The following SIRT1 variants were observed in gnomAD, a reference collection of about 807,000 sequenced individuals.
SIRT1 encodes the protein NAD-dependent protein deacetylase sirtuin-1.
SIRT1 carries 24 observed loss-of-function variants against 67.9 expected under a neutral mutation model. The observed-to-expected ratio is 0.35, with a 90% CI of 0.26 to 0.50. SIRT1 has a LOEUF of 0.50. SIRT1 is among the 20% of genes least tolerant of loss of function. The pLI is 0.98. For synonymous variants in SIRT1, 378 were observed against 350.7 expected (o/e 1.08, Z -0.87); for missense variants, 873 against 937.2 (o/e 0.93, Z 0.89).
rs34104914 is a variant in SIRT1 at position 67,904,844 on chromosome 10, C to CA, written c.943-1930dup. Among the ~76,000 whole-genome samples, 549 of 127,258 alleles carry CA rather than the reference C, an allele frequency of 4.3e-3. 4 individuals carry two copies. The highest frequency in any genetic ancestry group is 0.013 in the African/African-American group (393 of 31,338). The allele number at this position is 127,258 out of a possible 152,430, so 83.5% of individuals were successfully genotyped here. ...GGGCAAAAAGAGCGAAACTCTGTCT[C>CA]AAAAAAAAAAAAAAAAGCAGGCTTA... On this transcript the variant is annotated intron_variant, in intron 4 of 8. Transcript: ENST00000212015.
At chr10:67,885,752 G>A (rs1421935943) in intron 1 of SIRT1, among the ~76,000 whole-genome samples, 2 of 152,078 alleles carry the variant, frequency 1.3e-5, no homozygotes, top group African/African-American at 4.8e-5. Flanking sequence ...AATGCAGTTA[G>A]GAGTGGGTAT....
chr10:67,917,201 G>A lies in SIRT1; in HGVS notation c.*608G>A, dbSNP rs201141942. The stretch of plus-strand genomic sequence containing the variant: ...CAACAATATGTGGGGAGAGCACTCG[G>A]TTGTCTTTACTTTTAAAAGTAATAC... On this transcript the variant is annotated 3_prime_UTR_variant, in exon 9 of 9. Coordinates refer to ENST00000212015, the MANE Select transcript of SIRT1 (RefSeq NM_012238.5). 1 of 152,574 alleles carries A rather than the reference G, an allele frequency of 6.6e-6. No individual in the cohort carries two copies. Among genetic ancestry groups the A allele is most frequent in the Non-Finnish European group, 1.5e-5 (1 of 68,020 alleles). The allele number at this position is 152,574 out of a possible 1,614,324, so 9.5% of individuals were successfully genotyped here. A position where few individuals can be genotyped will look rare whatever the true frequency, so the allele number is the denominator to read the frequency against.
intron 3 of SIRT1, among the ~76,000 whole-genome samples, chr10:67,891,032 AAAAAAAAAAAAC>A (rs936026566): frequency 7.0e-6 from 1 of 143,066 alleles, no homozygotes; most frequent in Non-Finnish European, 1.5e-5. Context: ...TCTGTCTCAA[AAAAAAAAAAAAC>A]AAAAAAAAAA....
rs752020872 is a variant in SIRT1, at chr10:67,909,271, C to T, written c.1186C>T (p.Pro396Ser). Residue 396 changes from proline to serine, a missense_variant, in exon 7 of 9, where the codon CCT (proline) becomes TCT (serine). Physicochemically the swap from Pro to Ser is moderately conservative, Grantham distance 74. Transcript: ENST00000212015. Reference protein sequence around the residue: ...DIFNQVVPRCPRCPADEPLAI... With the variant: ...DIFNQVVPRCSRCPADEPLAI... The stretch of plus-strand genomic sequence containing the variant: ...AAATATGTAGGTAGTTCCTCGATGT[C>T]CTAGGTGCCCAGCTGATGAACCGCT... 1 of 1,603,096 alleles carries T rather than the reference C, an allele frequency of 6.2e-7. No individual in the cohort carries two copies.
At chr10:67,912,192 C>T (rs1842911006) in intron 7 of SIRT1, among the ~76,000 whole-genome samples, 3 of 152,170 alleles carry the variant, frequency 2.0e-5, no homozygotes, top group Admixed American at 2.0e-4. Context: ...CCCCATTCTG[C>T]AGACAAGGAA....
intron 2 of SIRT1, among the ~76,000 whole-genome samples, chr10:67,888,678 G>A (rs1022704358): frequency 6.6e-6 from 1 of 152,102 alleles, no homozygotes; most frequent in African/African-American, 2.4e-5. Context: ...GCTGAAGGGG[G>A]TCTTCCCAAC....
intron 7 of SIRT1, among the ~76,000 whole-genome samples, 193 bp downstream of exon 7, chr10:67,909,635 G>A (rs1028226270): frequency 3.3e-5 from 5 of 151,656 alleles, no homozygotes; most frequent in Admixed American, 6.6e-5. Flanking sequence ...GAGTGCAGTC[G>A]CATATCTTGG....
chr10:67,915,468 A>G (rs1270458568), intron 8 of SIRT1, among the ~76,000 whole-genome samples: 1 of 152,174 alleles, frequency 6.6e-6, no homozygotes, highest in Non-Finnish European at 1.5e-5. Flanking sequence ...GATTCACATT[A>G]CATCTTAGAG....
chr10:67,889,514 A>G (rs1404921953), intron 3 of SIRT1, among the ~76,000 whole-genome samples: 1 of 152,194 alleles, frequency 6.6e-6, no homozygotes, highest in Admixed American at 6.5e-5. Flanking sequence ...TCACAAGTGA[A>G]AAGCTTAGTG....
intron 4 of SIRT1, among the ~76,000 whole-genome samples, chr10:67,894,742 G>A (rs988497173): frequency 3.3e-5 from 5 of 152,008 alleles, no homozygotes; most frequent in Non-Finnish European, 7.4e-5. Flanking sequence ...ATGGAGTCTT[G>A]CTCTGTTGCC....
intron 4 of SIRT1, among the ~76,000 whole-genome samples, chr10:67,893,975 T>C (rs1373689742): frequency 6.6e-6 from 1 of 152,052 alleles, no homozygotes; most frequent in African/African-American, 2.4e-5. Context: ...GGCGACTGTC[T>C]TTAAAAAAAA....
intron 3 of SIRT1, among the ~76,000 whole-genome samples, chr10:67,890,977 C>T (rs1250239353): frequency 6.7e-6 from 1 of 149,828 alleles, no homozygotes; most frequent in Non-Finnish European, 1.5e-5. Context: ...TTACAGTGAG[C>T]CGAGATCGCA....
At position 67,916,475 on chromosome 10, in the gene SIRT1, C is replaced by G. The variant is rs1377658006; in HGVS notation, c.2126C>G (p.Pro709Arg). ...YNGLEDEPDV[P>R]ERAGGAGFGT... ...GGCTTAGAAGATGAGCCTGATGTTC[C>G]AGAGAGAGCTGGAGGAGCTGGATTT... Residue 709 changes from proline (P) to arginine (R), a missense_variant, in exon 9 of 9, where the codon CCA (proline) becomes CGA (arginine). By Grantham distance (103) the Pro-to-Arg change is moderately radical. Coordinates refer to ENST00000212015, the MANE Select transcript of SIRT1 (RefSeq NM_012238.5). The G allele has an allele frequency of 6.2e-7, 1 of 1,614,088 alleles. No individual in the cohort carries two copies. The highest frequency in any genetic ancestry group is 1.7e-5 in the Admixed American group (1 of 60,004).
At chr10:67,909,064 A>C (rs974868244) in intron 6 of SIRT1, among the ~76,000 whole-genome samples, 192 bp from the exon 7 acceptor site, 2 of 152,290 alleles carry the variant, frequency 1.3e-5, no homozygotes, top group South Asian at 4.1e-4. Flanking sequence ...ACAAGAGCAT[A>C]GTATTTCATT....
chr10:67,897,313 G>GT (rs1243135025), intron 4 of SIRT1, among the ~76,000 whole-genome samples: 1 of 147,234 alleles, frequency 6.8e-6, no homozygotes, highest in Non-Finnish European at 1.5e-5. Flanking sequence ...TGGAGATGAA[G>GT]TTTCACTCTT....
At position 67,884,858 on chromosome 10, in the gene SIRT1, G is replaced by C; in HGVS notation, c.137G>C (p.Arg46Pro). 5 of 1,218,238 alleles carry C rather than the reference G, an allele frequency of 4.1e-6. No individual in the cohort carries two copies. The highest frequency in any genetic ancestry group is 5.1e-6 in the Non-Finnish European group (5 of 979,268). The allele number at this position is 1,218,238 out of a possible 1,614,324, so 75.5% of individuals were successfully genotyped here. ...RPRRDGPGLE[R>P]SPGEPGGAAP... ...CGGAGAGATGGTCCCGGCCTCGAGC[G>C]GAGCCCGGGCGAGCCCGGTGGGGCG... The change falls in exon 1 of 9, where the codon CGG (arginine) becomes CCG (proline). Residue 46 changes from arginine (R) to proline (P), a missense_variant. Arg to Pro is a moderately radical substitution (Grantham distance 103). Transcript: ENST00000212015.
intron 4 of SIRT1, among the ~76,000 whole-genome samples, chr10:67,901,877 A>G (rs1309617633): frequency 6.6e-6 from 1 of 152,274 alleles, no homozygotes; most frequent in East Asian, 1.9e-4. Context: ...ATGTGTGTAC[A>G]TTATGGAATG....
chr10:67,885,750 TAGG>T (rs1484429151), intron 1 of SIRT1, among the ~76,000 whole-genome samples: 1 of 152,076 alleles, frequency 6.6e-6, no homozygotes, highest in Non-Finnish European at 1.5e-5. Flanking sequence ...GTAATGCAGT[TAGG>T]AGTGGGTATG....
chr10:67,889,737 G>A (rs34234131), intron 3 of SIRT1, among the ~76,000 whole-genome samples: 14,298 of 152,170 alleles, frequency 0.094, 895 homozygotes, highest in Middle Eastern at 0.18. Context: ...CTGCCATTTC[G>A]AGTTGCGAAA....
Sources: gnomAD v4.1 joint callset for allele counts (sites outside exome capture counted in the v4.1 genomes callset) on GRCh38, gnomAD v4.1.1 for gene constraint, MANE v1.5 for transcripts, NCBI Gene and HGNC (gene_info 2026-07-23, HGNC 2026-07-21) for gene names.